EFNA2: variants seen among roughly 807,000 people sequenced by gnomAD.
The protein encoded by EFNA2 is ephrin A2.
Under a neutral mutation model 19.7 loss-of-function variants are expected in EFNA2, and 18 were observed. That is an observed-to-expected ratio of 0.91 (90% CI 0.63 to 1.35). EFNA2 has a LOEUF of 1.35. EFNA2 is among the 40% of genes most tolerant of loss of function. EFNA2 has a pLI of 0.00. For missense variants in EFNA2, 303 were observed against 296.0 expected, an observed-to-expected ratio of 1.02 and a Z score of -0.17; for synonymous variants, 187 against 137.8, an observed-to-expected ratio of 1.36 and a Z score of -2.50.
In EFNA2 at chr19:1,295,884, C is replaced by A. The variant is rs201782617; in HGVS notation, c.454+26C>A. The A allele has an allele frequency of 2.6e-3, 3,207 of 1,250,342 alleles. 11 individuals carry two copies. Among genetic ancestry groups the A allele is most frequent in the Non-Finnish European group, 3.1e-3 (2,985 of 970,268 alleles). 77.5% of individuals were successfully genotyped at this position (1,250,342 alleles called of 1,614,324 possible). ...GTGAGTGGGGTCGGGCCGGGGCTGC[C>A]GGGGCCCGAGTGGGCGGGGACGCGG... is the stretch of plus-strand genomic sequence containing the variant. On this transcript the variant is annotated intron_variant, in intron 2 of 3. Coordinates refer to ENST00000215368, the MANE Select transcript of EFNA2 (RefSeq NM_001405.4). This position sits in a 1 kb window ranked among gnomAD's most constrained non-coding sequence, Gnocchi z 5.8.
chr19:1,299,417 G>A (rs551967583), intron 3 of EFNA2, among the ~76,000 whole-genome samples: 7 of 151,466 alleles, frequency 4.6e-5, no homozygotes, highest in Admixed American at 3.3e-4. Flanking sequence ...TTAGCCGGGC[G>A]TGGTGGCACA....
chr19:1,301,316 T>G lies in EFNA2; in HGVS notation c.*1371T>G. ...GTGGGCAGAGGGCTTTTGTAGGGGG[T>G]CGGCGGGGCGGGCCGCGTTGCCAGG... On this transcript the variant is annotated 3_prime_UTR_variant, in exon 4 of 4. Transcript: ENST00000215368. 1.4e-5 allele frequency among the ~76,000 whole-genome samples: 2 copies of G among 142,374 alleles called. No individual in the cohort carries two copies. Among genetic ancestry groups the G allele is most frequent in the African/African-American group, 2.6e-5 (1 of 38,418 alleles). 93.4% of individuals were successfully genotyped at this position (142,374 alleles called of 152,430 possible).
chr19:1,295,065 G>C lies in EFNA2; in HGVS notation c.141-480G>C, dbSNP rs1330652143. Among the ~76,000 whole-genome samples the C allele has an allele frequency of 6.6e-6, 1 of 152,060 alleles. No individual in the cohort carries two copies. The highest frequency in any genetic ancestry group is 1.5e-5 in the Non-Finnish European group (1 of 67,990). On this transcript the variant is annotated intron_variant, in intron 1 of 3. Coordinates refer to ENST00000215368, the MANE Select transcript of EFNA2 (RefSeq NM_001405.4). The surrounding 1 kb of genome is among the most constrained non-coding windows in gnomAD (Gnocchi z 5.8). ...TCGCTGCTGGCCCTGCCGTGGGGCT[G>C]TTGGGGACACTGAGGCAGGAGGTGG...
upstream of EFNA2, among the ~76,000 whole-genome samples, chr19:1,284,722 G>A (rs943990172): frequency 6.6e-6 from 1 of 152,312 alleles, no homozygotes; most frequent in South Asian, 2.1e-4. This position sits in a 1 kb window ranked among gnomAD's most constrained non-coding sequence, Gnocchi z 5.3. Flanking sequence ...CTGGGTTCAC[G>A]GTCCCTGCCA....
In EFNA2 at chr19:1,294,363, C is replaced by T. The variant is rs1030846881; in HGVS notation, c.141-1182C>T. On this transcript the variant is annotated intron_variant, in intron 1 of 3. Coordinates refer to ENST00000215368, the MANE Select transcript of EFNA2 (RefSeq NM_001405.4). This position sits in a 1 kb window ranked among gnomAD's most constrained non-coding sequence, Gnocchi z 5.8. Reference sequence around the variant, plus strand: ...GGTCCCTTCCTCGGCTGATCTCTATCCTCACAGACGAGGCTGGGTCAGGGG... The same window carrying T: ...GGTCCCTTCCTCGGCTGATCTCTATTCTCACAGACGAGGCTGGGTCAGGGG... Among the ~76,000 whole-genome samples, 2 of 152,188 alleles carry T rather than the reference C, an allele frequency of 1.3e-5. No individual in the cohort carries two copies. Among genetic ancestry groups the T allele is most frequent in the Non-Finnish European group, 2.9e-5 (2 of 68,028 alleles).
rs1000279026 is a variant in EFNA2 at position 1,286,851 on chromosome 19, G to A, written c.140+543G>A. ...GACCCAGCATCTGCTTCACTCCAGG[G>A]GGCCAAGGGCCCAGCTTTGAAAGGA... On this transcript the variant is annotated intron_variant, in intron 1 of 3. Transcript: ENST00000215368. This position sits in a 1 kb window ranked among gnomAD's most constrained non-coding sequence, Gnocchi z 5.6. Among the ~76,000 whole-genome samples, 1 of 152,258 alleles carries A rather than the reference G, an allele frequency of 6.6e-6. No individual in the cohort carries two copies. Among genetic ancestry groups the A allele is most frequent in the Admixed American group, 6.5e-5 (1 of 15,288 alleles).
rs143352749 is a variant in EFNA2, at chr19:1,294,828, G to C, written c.141-717G>C. Among the ~76,000 whole-genome samples, 1 of 151,592 alleles carries C rather than the reference G, an allele frequency of 6.6e-6. No homozygotes were observed. On this transcript the variant is annotated intron_variant, in intron 1 of 3. Coordinates refer to ENST00000215368, the MANE Select transcript of EFNA2 (RefSeq NM_001405.4). The surrounding 1 kb of genome is among the most constrained non-coding windows in gnomAD (Gnocchi z 5.8). The stretch of plus-strand genomic sequence containing the variant: ...CGACCTGTGTCCCCCACGCTGCCCC[G>C]GTCCTTCTCAACAGGTGGGAGTGCA...
At chr19:1,298,654 A>T (rs775424737) in intron 3 of EFNA2, 38 bp downstream of exon 3, 1 of 1,606,584 alleles carries the variant, frequency 6.2e-7, no homozygotes, top group Non-Finnish European at 8.5e-7. Context: ...CCAGGCCCCC[A>T]CCCCTGTGTC....
At chr19:1,291,210 C>T (rs1031892920) in intron 1 of EFNA2, among the ~76,000 whole-genome samples, 4 of 152,324 alleles carry the variant, frequency 2.6e-5, no homozygotes, top group African/African-American at 9.6e-5. Context: ...GGGCCACCCA[C>T]GCCCACGGTG....
At position 1,286,379 on chromosome 19, in the gene EFNA2, C is replaced by A. The variant is rs866093734; in HGVS notation, c.140+71C>A. 283 of 832,860 alleles carry A rather than the reference C, an allele frequency of 3.4e-4. 1 individual carries two copies. In the African/African-American group the frequency reaches 4.7e-3, roughly 14 times the overall value. The allele number at this position is 832,860 out of a possible 1,614,324, so 51.6% of individuals were successfully genotyped here. The stretch of plus-strand genomic sequence containing the variant: ...CCCCCAAGCCGCGCCCGGCCTCGCG[C>A]CCCCGGAGCTCCGGGCGCCCCCCAC... On this transcript the variant is annotated intron_variant, in intron 1 of 3. Coordinates refer to ENST00000215368, the MANE Select transcript of EFNA2 (RefSeq NM_001405.4). The surrounding 1 kb of genome is among the most constrained non-coding windows in gnomAD (Gnocchi z 5.6).
At chr19:1,299,232 C>T (rs1321568662) in intron 3 of EFNA2, among the ~76,000 whole-genome samples, 2 of 151,176 alleles carry the variant, frequency 1.3e-5, no homozygotes, top group Non-Finnish European at 2.9e-5. Flanking sequence ...AGCAAGACTG[C>T]GTCTAAAAAA....
Position 1,287,259 on chromosome 19 carries a change from TG to T in EFNA2, c.140+956del, listed in dbSNP as rs2081469639. 6.6e-6 allele frequency among the ~76,000 whole-genome samples: 1 copy of T among 151,880 alleles called. No homozygotes were observed. Among genetic ancestry groups the T allele is most frequent in the Admixed American group, 6.6e-5 (1 of 15,248 alleles). On this transcript the variant is annotated intron_variant, in intron 1 of 3. Transcript: ENST00000215368. This position sits in a 1 kb window ranked among gnomAD's most constrained non-coding sequence, Gnocchi z 6.2. ...AGACAGGAGCAGGCTGCAGCTTCCC[TG>T]GGGGTCCCGTGGGAGCCGGGGCTTT...
chr19:1,300,140 C>A lies in EFNA2; in HGVS notation c.*195C>A, dbSNP rs997737604. 26 of 717,564 alleles carry A rather than the reference C, an allele frequency of 3.6e-5. No individual in the cohort carries two copies. The East Asian group carries it at 8.6e-4, about 24-fold the overall frequency. The allele number at this position is 717,564 out of a possible 1,614,324, so 44.4% of individuals were successfully genotyped here. ...CCAGCCCTCAGGGAGGGGAAACGGC[C>A]GAGAGCCCCCCCCCGGAGGCCCGAG... On this transcript the variant is annotated 3_prime_UTR_variant, in exon 4 of 4. Coordinates refer to ENST00000215368, the MANE Select transcript of EFNA2 (RefSeq NM_001405.4).
rs943501997 is a variant in EFNA2, at chr19:1,301,354, G to C, written c.*1409G>C. 9.9e-5 allele frequency among the ~76,000 whole-genome samples: 15 copies of C among 151,724 alleles called. No individual in the cohort carries two copies. Among genetic ancestry groups the C allele is most frequent in the Middle Eastern group, 3.4e-3 (1 of 292 alleles). On this transcript the variant is annotated 3_prime_UTR_variant, in exon 4 of 4. Transcript: ENST00000215368. ...CCGCGTTGCCAGGCCTGGAGCTGGCGACCGGGCCTCCCTCTTCCCGTCACA... is the reference window on the plus strand; with the variant it reads ...CCGCGTTGCCAGGCCTGGAGCTGGCCACCGGGCCTCCCTCTTCCCGTCACA...
At chr19:1,290,033 G>A (rs1004017273) in intron 1 of EFNA2, among the ~76,000 whole-genome samples, 4 of 151,988 alleles carry the variant, frequency 2.6e-5, no homozygotes, top group African/African-American at 7.3e-5. Flanking sequence ...ACTCAGACTC[G>A]GGAGTCTGGG....
At chr19:1,285,086 G>A (rs951348695), upstream of EFNA2, among the ~76,000 whole-genome samples, 1 of 152,206 alleles carries the variant, frequency 6.6e-6, no homozygotes, top group African/African-American at 2.4e-5. This position sits in a 1 kb window ranked among gnomAD's most constrained non-coding sequence, Gnocchi z 4.1. Context: ...TGTCTCTATA[G>A]ATTGGAAAAA....
chr19:1,299,941 C>T lies in EFNA2; in HGVS notation c.638C>T (p.Ser213Phe). Residue 213 changes from serine to phenylalanine, a missense_variant, in exon 4 of 4, where the codon TCC becomes TTC. Physicochemically the swap from Ser to Phe is radical, Grantham distance 155 (BLOSUM62 -2). Transcript: ENST00000215368. The stretch of plus-strand genomic sequence containing the variant: ...CCCGTGCTCTGGACCCTCCTGGGTT[C>T]CTAGTCCCAGCCCCGCAGGACGCCG... ...TIPVLWTLLG[S>F] is the part of the protein sequence containing the mutation. 2 of 1,600,646 alleles carry T rather than the reference C, an allele frequency of 1.2e-6. No individual in the cohort carries two copies. The highest frequency in any genetic ancestry group is 1.7e-6 in the Non-Finnish European group (2 of 1,178,290).
At position 1,297,424 on chromosome 19, in the gene EFNA2, T is replaced by G. The variant is rs1381247037; in HGVS notation, c.455-1127T>G. On this transcript the variant is annotated intron_variant, in intron 2 of 3. Coordinates refer to ENST00000215368, the MANE Select transcript of EFNA2 (RefSeq NM_001405.4). The surrounding 1 kb of genome is among the most constrained non-coding windows in gnomAD (Gnocchi z 5.0). ...AGTTTCATAAAGATAATTATTGTAA[T>G]TATTCGTCCTACCTCTGTGATGAAT... Among the ~76,000 whole-genome samples the G allele has an allele frequency of 6.6e-6, 1 of 152,338 alleles. No homozygotes were observed. Among genetic ancestry groups the G allele is most frequent in the East Asian group, 1.9e-4 (1 of 5,190 alleles).
rs1021677134 is a variant in EFNA2 at position 1,294,722 on chromosome 19, C to T, written c.141-823C>T. ...GTGCTGAGAGGAGGGTGGAGGGATTCTTCACGCCAAGCTCCGTTCTCTTTG... is the reference window on the plus strand; with the variant it reads ...GTGCTGAGAGGAGGGTGGAGGGATTTTTCACGCCAAGCTCCGTTCTCTTTG... On this transcript the variant is annotated intron_variant, in intron 1 of 3. Coordinates refer to ENST00000215368, the MANE Select transcript of EFNA2 (RefSeq NM_001405.4). This position sits in a 1 kb window ranked among gnomAD's most constrained non-coding sequence, Gnocchi z 5.8. Among the ~76,000 whole-genome samples, 4 of 151,858 alleles carry T rather than the reference C, an allele frequency of 2.6e-5. No individual in the cohort carries two copies. The highest frequency in any genetic ancestry group is 5.9e-5 in the Non-Finnish European group (4 of 67,962).
Sources: gnomAD v4.1 joint callset for allele counts (sites outside exome capture counted in the v4.1 genomes callset) on GRCh38, gnomAD v4.1.1 for gene constraint, Gnocchi (gnomAD v3.1) non-coding constraint, MANE v1.5 for transcripts, NCBI Gene and HGNC (gene_info 2026-07-23, HGNC 2026-07-21) for gene names.